SDK1: variants seen among roughly 807,000 people sequenced by gnomAD.
The protein encoded by SDK1 is sidekick cell adhesion molecule 1, also known as protein sidekick-1.
Under a neutral mutation model 245.5 loss-of-function variants are expected in SDK1, and 157 were observed. The observed-to-expected ratio is 0.64, with a 90% CI of 0.56 to 0.73. The LOEUF (loss-of-function observed/expected upper bound fraction) is 0.73, where lower values mean the gene tolerates loss of function less well. Ranked by LOEUF, SDK1 falls within the 30% of genes least tolerant of loss-of-function variation. The pLI, the probability that SDK1 is intolerant of heterozygous loss-of-function variation, is 0.00. For synonymous variants in SDK1, 1,647 were observed against 1,278.5 expected (o/e 1.29, Z -6.15); for missense variants, 3,583 against 3,002.3 (o/e 1.19, Z -4.52).
Position 4,208,234 on chromosome 7 carries a change from G to A in SDK1, c.5350G>A (p.Ala1784Thr), listed in dbSNP as rs761076885. Residue 1784 changes from alanine (A) to threonine (T), a missense_variant, in exon 37 of 45, where the codon GCC (alanine) becomes ACC (threonine). Ala to Thr is a moderately conservative substitution (Grantham distance 58). Transcript: ENST00000404826. ...GGTCAGCATATCAGCCTTCAACGCC[G>A]CCGGAGATGGACCTAAGAGTGACCC... ...YLVSISAFNA[A>T]GDGPKSDPQQ... 7.4e-6 allele frequency: 12 copies of A among 1,613,988 alleles called. No homozygotes were observed. Among genetic ancestry groups the A allele is most frequent in the African/African-American group, 1.3e-5 (1 of 75,052 alleles).
chr7:3,761,151 C>T (rs949285676), intron 4 of SDK1, among the ~76,000 whole-genome samples: 1 of 151,816 alleles, frequency 6.6e-6, no homozygotes. Context: ...AGCACTTTTT[C>T]CAGGTGAGCG....
chr7:3,576,800 G>A (rs1356251570), intron 1 of SDK1, among the ~76,000 whole-genome samples: 6 of 151,992 alleles, frequency 3.9e-5, no homozygotes, highest in African/African-American at 1.2e-4. Flanking sequence ...CCTTGATTCA[G>A]GCAGAAGGTA....
chr7:3,463,402 C>G (rs1268160040), intron 1 of SDK1, among the ~76,000 whole-genome samples: 3 of 151,952 alleles, frequency 2.0e-5, no homozygotes, highest in Non-Finnish European at 4.4e-5. Context: ...AGTTTTGAGC[C>G]CTGCACTTAA....
At chr7:3,866,490 T>G (rs1426735752) in intron 5 of SDK1, among the ~76,000 whole-genome samples, 1 of 152,144 alleles carries the variant, frequency 6.6e-6, no homozygotes, top group Non-Finnish European at 1.5e-5. Context: ...CGGGACTTTT[T>G]TGTGTGTAGG....
chr7:3,493,325 T>C (rs937720859), intron 1 of SDK1, among the ~76,000 whole-genome samples: 1 of 152,214 alleles, frequency 6.6e-6, no homozygotes, highest in African/African-American at 2.4e-5. Flanking sequence ...ATTCAGGACA[T>C]TTCTTCACAG....
intron 1 of SDK1, chr7:3,337,850 A>G (rs907208053): frequency 1.3e-5 from 2 of 152,214 alleles, no homozygotes; most frequent in African/African-American, 4.8e-5. Flanking sequence ...AAGGAAAACA[A>G]GTTGTGGTTG....
intron 44 of SDK1, among the ~76,000 whole-genome samples, chr7:4,261,994 A>C (rs1354025048): frequency 1.4e-5 from 2 of 145,672 alleles, no homozygotes; most frequent in Non-Finnish European, 3.0e-5. Flanking sequence ...GGAAAAAAAA[A>C]TCAATTTCAC....
At chr7:3,700,405 T>C (rs1583320197) in intron 4 of SDK1, among the ~76,000 whole-genome samples, 1 of 152,298 alleles carries the variant, frequency 6.6e-6, no homozygotes, top group South Asian at 2.1e-4. Context: ...AGAGGAGATG[T>C]TTATGACAGT....
chr7:3,782,360 A>G (rs997939001), intron 4 of SDK1, among the ~76,000 whole-genome samples: 13 of 152,246 alleles, frequency 8.5e-5, no homozygotes, highest in African/African-American at 3.1e-4. Flanking sequence ...ATCTGTCCCC[A>G]TGACCCACAC....
intron 4 of SDK1, among the ~76,000 whole-genome samples, chr7:3,679,116 G>A (rs954360266): frequency 6.6e-6 from 1 of 152,194 alleles, no homozygotes; most frequent in Non-Finnish European, 1.5e-5. Context: ...TTGATCAAAA[G>A]TGAAAACTTG....
At chr7:4,263,225 T>A (rs1156844439) in intron 44 of SDK1, among the ~76,000 whole-genome samples, 1 of 106,102 alleles carries the variant, frequency 9.4e-6, no homozygotes, top group African/African-American at 3.7e-5. Context: ...ACCTCCAGAA[T>A]CCTTTTGTTT....
chr7:3,304,569 C>G (rs1330978594), intron 1 of SDK1, among the ~76,000 whole-genome samples: 1 of 152,172 alleles, frequency 6.6e-6, no homozygotes, highest in African/African-American at 2.4e-5. Context: ...CTCAGTTTCT[C>G]ATTTGAAATT....
chr7:3,832,027 G>C (rs987941316), intron 5 of SDK1, among the ~76,000 whole-genome samples: 2 of 152,026 alleles, frequency 1.3e-5, no homozygotes, highest in Admixed American at 6.6e-5. Context: ...CTCCAGCCTG[G>C]GCAACACAGC....
intron 13 of SDK1, among the ~76,000 whole-genome samples, chr7:3,975,637 C>G (rs968553187): frequency 2.6e-5 from 4 of 152,222 alleles, no homozygotes; most frequent in Non-Finnish European, 4.4e-5. Context: ...AGTGAACTCA[C>G]AAACAGCTTT....
intron 4 of SDK1, among the ~76,000 whole-genome samples, chr7:3,801,240 A>G (rs554199420): frequency 1.1e-4 from 16 of 152,324 alleles, no homozygotes; most frequent in African/African-American, 2.9e-4. Context: ...TATTTCATCA[A>G]TATAACCTTT....
intron 4 of SDK1, among the ~76,000 whole-genome samples, chr7:3,762,414 G>A (rs1006634437): frequency 3.9e-5 from 6 of 152,192 alleles, no homozygotes; most frequent in South Asian, 2.1e-4. Context: ...AGATGTTTAC[G>A]TAGGTAAAAG....
At chr7:3,695,779 C>T (rs1428157427) in intron 4 of SDK1, among the ~76,000 whole-genome samples, 2 of 152,174 alleles carry the variant, frequency 1.3e-5, no homozygotes, top group African/African-American at 4.8e-5. Context: ...ACAGAGAAGG[C>T]AACCGCTAGA....
At chr7:3,977,161 GT>G (rs1562606049) in intron 13 of SDK1, among the ~76,000 whole-genome samples, 9 of 27,280 alleles carry the variant, frequency 3.3e-4, no homozygotes, top group East Asian at 7.1e-4. Context: ...CACGCAGAGG[GT>G]CCTCCAGAGA....
intron 40 of SDK1, among the ~76,000 whole-genome samples, chr7:4,229,666 C>T (rs1230491129): frequency 1.3e-5 from 2 of 152,106 alleles, no homozygotes; most frequent in Non-Finnish European, 2.9e-5. Flanking sequence ...GTGTTCAGAC[C>T]TTCTCAGAAC....
Sources: allele counts gnomAD v4.1 joint callset (sites outside exome capture counted in the v4.1 genomes callset), GRCh38; gene constraint gnomAD v4.1.1; transcripts MANE v1.5; gene names NCBI Gene and HGNC (gene_info 2026-07-23, HGNC 2026-07-21).